The following EPB41L4B variants were observed in gnomAD, a reference collection of about 807,000 sequenced individuals.
EPB41L4B encodes erythrocyte membrane protein band 4.1 like 4B, also known as band 4.1-like protein 4B.
Under a neutral mutation model 112.5 loss-of-function variants are expected in EPB41L4B, and 30 were observed. The observed-to-expected ratio is 0.27, with a 90% CI of 0.20 to 0.36. The LOEUF is 0.36. Among genes scored for constraint, EPB41L4B ranks in the 10% least tolerant of loss-of-function variants. The pLI is 1.00. For missense variants in EPB41L4B, 1,024 were observed against 1,133.3 expected (o/e 0.90, Z 1.38); for synonymous variants, 408 against 439.7 (o/e 0.93, Z 0.90).
Position 109,301,327 on chromosome 9 carries a change from C to T in EPB41L4B, c.306+18814G>A, listed in dbSNP as rs139449257. ...TGTATCATCTTTTCCTCTATTCATT[C>T]CTCCCTGGCCCACCATTAATTTTTT... On this transcript the variant is annotated intron_variant, in intron 1 of 25. Transcript: ENST00000374566. Among the ~76,000 whole-genome samples the T allele has an allele frequency of 9.1e-3, 1,386 of 152,352 alleles. 6 individuals are homozygous for T. The highest frequency in any genetic ancestry group is 0.017 in the Middle Eastern group (5 of 294).
At chr9:109,183,866 G>C (rs2118628129) in intron 23 of EPB41L4B, among the ~76,000 whole-genome samples, 1 of 152,354 alleles carries the variant, frequency 6.6e-6, no homozygotes, top group South Asian at 2.1e-4. Context: ...GCAGGGATGA[G>C]TAAGAACACA....
chr9:109,206,374 G>A (rs976842713), intron 18 of EPB41L4B, among the ~76,000 whole-genome samples: 1 of 152,118 alleles, frequency 6.6e-6, no homozygotes. Context: ...GTAGAGACAG[G>A]GTTTCGCCAT....
At chr9:109,299,747 A>G (rs1359815839) in intron 1 of EPB41L4B, among the ~76,000 whole-genome samples, 2 of 148,586 alleles carry the variant, frequency 1.3e-5, no homozygotes, top group East Asian at 4.0e-4. Context: ...CACCCCTCGC[A>G]AAGTTCCTTG....
rs56956449 is a variant in EPB41L4B at position 109,289,272 on chromosome 9, C to T, written c.307-9351G>A. The stretch of plus-strand genomic sequence containing the variant: ...GCGTGTTGTTCTCCAAATACAAGGC[C>T]CACCCCACCATACACAGCAGGCCCC... On this transcript the variant is annotated intron_variant, in intron 1 of 25. Transcript: ENST00000374566. Among the ~76,000 whole-genome samples, 955 of 152,276 alleles carry T rather than the reference C, an allele frequency of 6.3e-3. 23 individuals are homozygous for T. In the East Asian group the frequency reaches 0.093, roughly 15 times the overall value.
At chr9:109,204,139 C>T (rs1380491039) in intron 18 of EPB41L4B, among the ~76,000 whole-genome samples, 1 of 152,190 alleles carries the variant, frequency 6.6e-6, no homozygotes, top group Non-Finnish European at 1.5e-5. Context: ...GGAATCTGTC[C>T]TTTCACATCA....
rs892505270 is a variant in EPB41L4B, at chr9:109,185,584, G to A, written c.2323C>T (p.His775Tyr). 1.2e-6 allele frequency: 2 copies of A among 1,611,496 alleles called. No individual in the cohort carries two copies. Among genetic ancestry groups the A allele is most frequent in the African/African-American group, 2.7e-5 (2 of 74,888 alleles). The change falls in exon 23 of 26, where the codon CAC becomes TAC. Residue 775 changes from histidine to tyrosine, a missense_variant. By Grantham distance (83) the His-to-Tyr change is moderately conservative. Coordinates refer to ENST00000374566, the MANE Select transcript of EPB41L4B (RefSeq NM_019114.5). ...TPLAEPASNP[H>Y]CAHSRCSPPL... ...GGAGAACAGCGAGAGTGGGCACAGT[G>A]GGGGTTGCTGGCGGGCTCTGCCTGC...
At chr9:109,174,691 TATC>T (rs1554738391) in intron 25 of EPB41L4B, 68 bp from the exon 26 acceptor site, 1 of 1,339,626 alleles carries the variant, frequency 7.5e-7, no homozygotes, top group Non-Finnish European at 1.1e-6. Flanking sequence ...ACAGCTTAAG[TATC>T]ATCTCCCAGG....
intron 15 of EPB41L4B, among the ~76,000 whole-genome samples, chr9:109,242,847 T>TAAAAAA (rs11292845): frequency 1.6e-5 from 2 of 127,140 alleles, no homozygotes; most frequent in Non-Finnish European, 1.7e-5. Context: ...AAGCTAGCCT[T>TAAAAAA]AAAAAAAAAA....
intron 1 of EPB41L4B, among the ~76,000 whole-genome samples, chr9:109,306,635 CAAAA>C (rs1262146464): frequency 3.1e-5 from 3 of 96,916 alleles, no homozygotes; most frequent in Non-Finnish European, 4.5e-5. Flanking sequence ...AACAAACAAA[CAAAA>C]AAACATTCTG....
chr9:109,196,835 A>T (rs564463872), intron 20 of EPB41L4B, among the ~76,000 whole-genome samples: 1 of 151,840 alleles, frequency 6.6e-6, no homozygotes, highest in Middle Eastern at 3.4e-3. Flanking sequence ...TCATATTTCC[A>T]GGAAATAATG....
At chr9:109,307,436 T>G (rs1331283989) in intron 1 of EPB41L4B, among the ~76,000 whole-genome samples, 1 of 152,170 alleles carries the variant, frequency 6.6e-6, no homozygotes, top group Non-Finnish European at 1.5e-5. Context: ...CATCCTGGAG[T>G]GTCCCATTGG....
At chr9:109,232,130 TA>T (rs1833971701) in intron 15 of EPB41L4B, among the ~76,000 whole-genome samples, 1 of 152,090 alleles carries the variant, frequency 6.6e-6, no homozygotes, top group Non-Finnish European at 1.5e-5. Context: ...TAGCTGGGAT[TA>T]CAGATGTGTG....
intron 15 of EPB41L4B, among the ~76,000 whole-genome samples, chr9:109,230,660 C>CA (rs1488029610): frequency 6.6e-6 from 1 of 152,150 alleles, no homozygotes; most frequent in African/African-American, 2.4e-5. Flanking sequence ...TACTATTTGG[C>CA]AACAAGTAGA....
chr9:109,271,179 G>C (rs1335855914), intron 2 of EPB41L4B, among the ~76,000 whole-genome samples: 1 of 152,244 alleles, frequency 6.6e-6, no homozygotes, highest in Non-Finnish European at 1.5e-5. Context: ...CCGGGTGGCT[G>C]ACTGCTTTGC....
chr9:109,237,281 GTAAT>G (rs1238126829), intron 15 of EPB41L4B, among the ~76,000 whole-genome samples: 1 of 151,944 alleles, frequency 6.6e-6, no homozygotes, highest in Non-Finnish European at 1.5e-5. Context: ...GAAGACCAAG[GTAAT>G]TAATTACCTG....
At chr9:109,203,584 C>G (rs148688512) in intron 19 of EPB41L4B, 79 bp downstream of exon 19, 2 of 1,146,874 alleles carry the variant, frequency 1.7e-6, no homozygotes, top group East Asian at 4.7e-5. Flanking sequence ...TCAGCTAATG[C>G]CCTCGTGAGC....
At chr9:109,306,796 G>A (rs1169554610) in intron 1 of EPB41L4B, among the ~76,000 whole-genome samples, 6 of 152,156 alleles carry the variant, frequency 3.9e-5, no homozygotes, top group South Asian at 4.1e-4. Flanking sequence ...TTATTAATCA[G>A]CCAGCCTTCG....
chr9:109,216,952 A>G lies in EPB41L4B; in HGVS notation c.1603T>C (p.Ser535Pro). ...TLENKEGPLR[S>P]PNSSSKSLTK... ...AGGGACTTGCTGCTGGAGTTTGGGG[A>G]CCTCAGAGGCCCCTCTTTGTTCTCC... is the stretch of plus-strand genomic sequence containing the variant. The change falls in exon 16 of 26, where the codon TCC (serine) becomes CCC (proline). Residue 535 changes from serine (S) to proline (P), a missense_variant. Coordinates refer to ENST00000374566, the MANE Select transcript of EPB41L4B (RefSeq NM_019114.5). 6.2e-7 allele frequency: 1 copy of G among 1,614,034 alleles called. No homozygotes were observed. The highest frequency in any genetic ancestry group is 8.5e-7 in the Non-Finnish European group (1 of 1,179,974).
intron 2 of EPB41L4B, among the ~76,000 whole-genome samples, chr9:109,271,879 CA>C (rs1835633083): frequency 6.6e-6 from 1 of 152,210 alleles, no homozygotes; most frequent in Admixed American, 6.5e-5. Flanking sequence ...GTCCATCTGG[CA>C]AAATCCTTTC....
Sources: gnomAD v4.1 joint callset for allele counts (sites outside exome capture counted in the v4.1 genomes callset) on GRCh38, gnomAD v4.1.1 for gene constraint, MANE v1.5 for transcripts, NCBI Gene and HGNC (gene_info 2026-07-23, HGNC 2026-07-21) for gene names.